Variants in MBNL1 observed in about 807,000 individuals in gnomAD.
The protein encoded by MBNL1 is muscleblind-like protein 1.
MBNL1 carries 8 observed loss-of-function variants against 42.2 expected under a neutral mutation model. The observed-to-expected ratio is 0.19, with a 90% CI of 0.11 to 0.34. The LOEUF is 0.34. Ranked by LOEUF, MBNL1 falls within the 10% of genes least tolerant of loss-of-function variation. MBNL1 has a pLI of 1.00. For synonymous variants in MBNL1, 169 were observed against 173.9 expected, an observed-to-expected ratio of 0.97 and a Z score of 0.22; for missense variants, 309 against 495.3, an observed-to-expected ratio of 0.62 and a Z score of 3.57.
rs1392373491 is a variant in MBNL1, at chr3:152,465,565, C to T, written c.*3199C>T. On this transcript the variant is annotated 3_prime_UTR_variant, in exon 10 of 10. Transcript: ENST00000324210. ...TGGTTAAAAATGTTGCACTTATCAGCAACCCTACCACTTTCATCTGCTGAA... is the reference window on the plus strand; with the variant it reads ...TGGTTAAAAATGTTGCACTTATCAGTAACCCTACCACTTTCATCTGCTGAA... The T allele has an allele frequency of 1.3e-5, 2 of 152,648 alleles. No homozygotes were observed. Among genetic ancestry groups the T allele is most frequent in the Non-Finnish European group, 2.9e-5 (2 of 68,042 alleles). The allele number at this position is 152,648 out of a possible 1,614,324, so 9.5% of individuals were successfully genotyped here. A position where few individuals can be genotyped will look rare whatever the true frequency, so the allele number is the denominator to read the frequency against.
In MBNL1 at chr3:152,280,042, T is replaced by A. The variant is rs113873241; in HGVS notation, c.-790+10950T>A. On this transcript the variant is annotated intron_variant, in intron 1 of 9. Coordinates refer to ENST00000324210, the MANE Select transcript of MBNL1 (RefSeq NM_021038.5). Reference sequence around the variant, plus strand: ...GTGATTATGTGTTTTTAGAGAAAAATTTATTTATATAAAATGAAAGTCTTT... The same window carrying A: ...GTGATTATGTGTTTTTAGAGAAAAAATTATTTATATAAAATGAAAGTCTTT... 9.5e-3 allele frequency among the ~76,000 whole-genome samples: 1,447 copies of A among 152,230 alleles called. 12 individuals carry two copies. Among genetic ancestry groups the A allele is most frequent in the Non-Finnish European group, 0.013 (884 of 67,998 alleles).
At chr3:152,416,029 C>T (rs1306104995) in intron 3 of MBNL1, among the ~76,000 whole-genome samples, 2 of 152,122 alleles carry the variant, frequency 1.3e-5, no homozygotes, top group African/African-American at 4.8e-5. Flanking sequence ...ATGTCACTAG[C>T]TTATATGCAG....
At chr3:152,343,930 T>C (rs1481128442) in intron 2 of MBNL1, among the ~76,000 whole-genome samples, 1 of 152,174 alleles carries the variant, frequency 6.6e-6, no homozygotes, top group Non-Finnish European at 1.5e-5. Context: ...GTCATTGATA[T>C]ATTCCCTTAT....
At chr3:152,355,346 A>C (rs2095436902) in intron 2 of MBNL1, among the ~76,000 whole-genome samples, 1 of 152,238 alleles carries the variant, frequency 6.6e-6, no homozygotes, top group African/African-American at 2.4e-5. Flanking sequence ...CGTCCAGTTT[A>C]ATTTGGCTTT....
chr3:152,248,856 G>A (rs1376821683), intron 2 of MBNL1, among the ~76,000 whole-genome samples: 1 of 151,734 alleles, frequency 6.6e-6, no homozygotes. Context: ...CTATGAGTGA[G>A]AACATGCAGT....
In MBNL1 at chr3:152,462,721, T is replaced by C. The variant is rs1267803403; in HGVS notation, c.*355T>C. 6.6e-6 allele frequency: 1 copy of C among 152,210 alleles called. No homozygotes were observed. The highest frequency in any genetic ancestry group is 1.5e-5 in the Non-Finnish European group (1 of 68,018). 9.4% of individuals were successfully genotyped at this position (152,210 alleles called of 1,614,324 possible). A position where few individuals can be genotyped will look rare whatever the true frequency, so the allele number is the denominator to read the frequency against. ...CATGCCATCTTGAAAAGACAGACTATGGTGTAACCATGATTCTATTATGTA... is the reference window on the plus strand; with the variant it reads ...CATGCCATCTTGAAAAGACAGACTACGGTGTAACCATGATTCTATTATGTA... On this transcript the variant is annotated 3_prime_UTR_variant, in exon 10 of 10. Coordinates refer to ENST00000324210, the MANE Select transcript of MBNL1 (RefSeq NM_021038.5).
At chr3:152,339,554 A>G (rs1274811289) in intron 2 of MBNL1, 1 of 151,876 alleles carries the variant, frequency 6.6e-6, no homozygotes, top group African/African-American at 2.4e-5. Flanking sequence ...ATATGAGATC[A>G]TTGTTGGCCT....
chr3:152,406,899 A>G (rs2098442378), intron 2 of MBNL1, among the ~76,000 whole-genome samples: 1 of 152,184 alleles, frequency 6.6e-6, no homozygotes, highest in Admixed American at 6.5e-5. Flanking sequence ...CTGATGAAAA[A>G]ATGTTTAATG....
At position 152,432,746 on chromosome 3, in the gene MBNL1, C is replaced by T; in HGVS notation, c.375C>T (p.Ala125=). The T allele has an allele frequency of 3.7e-6, 6 of 1,614,170 alleles. No individual in the cohort carries two copies. The highest frequency in any genetic ancestry group is 1.3e-5 in the African/African-American group (1 of 75,044). ...TGTTTTCAGTTGCACCAAGCTTAGCCACCAATGCATCAGCAGCCGCCTTTA... is the reference window on the plus strand; with the variant it reads ...TGTTTTCAGTTGCACCAAGCTTAGCTACCAATGCATCAGCAGCCGCCTTTA... The part of the protein sequence containing the change: ...VPMFSVAPSL[A]TNASAAAFNP... The change falls in exon 4 of 10, where the codon GCC becomes GCT. Residue 125 remains alanine (A), a synonymous_variant. Coordinates refer to ENST00000324210, the MANE Select transcript of MBNL1 (RefSeq NM_021038.5).
At chr3:152,326,254 C>T (rs1560155736) in intron 2 of MBNL1, among the ~76,000 whole-genome samples, 1 of 152,060 alleles carries the variant, frequency 6.6e-6, no homozygotes, top group Non-Finnish European at 1.5e-5. Flanking sequence ...TTCCATCATC[C>T]TTATTTTCTG....
chr3:152,408,761 C>T (rs1243813082), intron 2 of MBNL1, among the ~76,000 whole-genome samples: 1 of 151,884 alleles, frequency 6.6e-6, no homozygotes, highest in Non-Finnish European at 1.5e-5. Context: ...ATGCTGTCCT[C>T]CCTCCTCCCC....
Position 152,414,936 on chromosome 3 carries a change from T to C in MBNL1, c.175-5T>C, listed in dbSNP as rs753389781. 1 of 1,610,524 alleles carries C rather than the reference T, an allele frequency of 6.2e-7. No homozygotes were observed. The highest frequency in any genetic ancestry group is 8.5e-7 in the Non-Finnish European group (1 of 1,179,012). On this transcript the variant is annotated splice_polypyrimidine_tract_variant and splice_region_variant and intron_variant, in intron 2 of 9. Transcript: ENST00000324210. ...AGATGATGTTTGCTGCTTTTGTTTC[T>C]CTAGGGCCGTTGCTCCAGGGAGAAC... is the stretch of plus-strand genomic sequence containing the variant.
At chr3:152,332,511 A>C in intron 2 of MBNL1, among the ~76,000 whole-genome samples, 1 of 152,190 alleles carries the variant, frequency 6.6e-6, no homozygotes, top group East Asian at 1.9e-4. Context: ...TATAAAAATA[A>C]TTGAAGGTAA....
intron 2 of MBNL1, among the ~76,000 whole-genome samples, chr3:152,360,217 G>A (rs1259439078): frequency 2.0e-5 from 3 of 151,998 alleles, no homozygotes; most frequent in African/African-American, 7.3e-5. Flanking sequence ...TAGTCCTGTC[G>A]TTTTTCCCTC....
At chr3:152,401,747 T>C (rs556038488) in intron 2 of MBNL1, among the ~76,000 whole-genome samples, 1 of 152,270 alleles carries the variant, frequency 6.6e-6, no homozygotes, top group East Asian at 1.9e-4. Flanking sequence ...GATTTGCGGC[T>C]GGACGTGGTG....
intron 2 of MBNL1, among the ~76,000 whole-genome samples, chr3:152,314,064 T>G (rs1160040521): frequency 6.6e-6 from 1 of 152,230 alleles, no homozygotes; most frequent in East Asian, 1.9e-4. Context: ...TTATGTAAAT[T>G]TTCTCCTAAA....
intron 1 of MBNL1, among the ~76,000 whole-genome samples, chr3:152,281,643 A>G (rs1199972758): frequency 6.6e-6 from 1 of 152,110 alleles, no homozygotes; most frequent in African/African-American, 2.4e-5. Context: ...GAAGTTTCTG[A>G]TGTCGCTTCT....
chr3:152,333,013 C>T (rs890433674), intron 2 of MBNL1, among the ~76,000 whole-genome samples: 2 of 152,130 alleles, frequency 1.3e-5, no homozygotes, highest in Non-Finnish European at 2.9e-5. Flanking sequence ...TACCTTCCTC[C>T]AATGTTGGTT....
At chr3:152,449,796 A>G (rs907339321) in intron 6 of MBNL1, among the ~76,000 whole-genome samples, 7 of 152,192 alleles carry the variant, frequency 4.6e-5, no homozygotes, top group Non-Finnish European at 7.3e-5. Flanking sequence ...GAGATATTCT[A>G]TTCTTGATCA....
Sources: gnomAD v4.1 joint callset for allele counts (sites outside exome capture counted in the v4.1 genomes callset) on GRCh38, gnomAD v4.1.1 for gene constraint, MANE v1.5 for transcripts, NCBI Gene and HGNC (gene_info 2026-07-23, HGNC 2026-07-21) for gene names.